The following ZBTB14 variants were observed in gnomAD, a reference collection of about 807,000 sequenced individuals.
The protein encoded by ZBTB14 is zinc finger and BTB domain containing 14, also known as zinc finger and BTB domain-containing protein 14.
Under a neutral mutation model 29.5 loss-of-function variants are expected in ZBTB14, and 8 were observed. The ratio of observed to expected loss-of-function variants is 0.27; its 90% confidence interval spans 0.16 to 0.49. The LOEUF (loss-of-function observed/expected upper bound fraction) is 0.49, where lower values mean the gene tolerates loss of function less well. ZBTB14 is among the 20% of genes least tolerant of loss of function. ZBTB14 has a pLI of 0.99. For synonymous variants in ZBTB14, 226 were observed against 207.2 expected (o/e 1.09, Z -0.78); for missense variants, 333 against 563.8 (o/e 0.59, Z 4.15).
upstream of ZBTB14, chr18:5,296,007 C>T (rs914177700): frequency 1.2e-4 from 18 of 151,800 alleles, no homozygotes; most frequent in African/African-American, 3.6e-4. Flanking sequence ...CCTCCTCCTG[C>T]ACGAGCACAG....
chr18:5,294,867 T>C (rs2143264607), intron 1 of ZBTB14: 1 of 152,210 alleles, frequency 6.6e-6, no homozygotes, highest in Non-Finnish European at 1.5e-5. Flanking sequence ...GACTTCCTTG[T>C]TGCAAGCTTG....
chr18:5,292,762 G>A (rs551219640), intron 3 of ZBTB14, among the ~76,000 whole-genome samples: 1 of 152,286 alleles, frequency 6.6e-6, no homozygotes, highest in Admixed American at 6.5e-5. Context: ...TTGACAGAAG[G>A]AACAAATTAC....
intron 1 of ZBTB14, among the ~76,000 whole-genome samples, chr18:5,295,218 G>C (rs1244228994): frequency 6.9e-6 from 1 of 144,402 alleles, no homozygotes; most frequent in Non-Finnish European, 1.5e-5. Flanking sequence ...CCGCCCGCGA[G>C]CCCGGAGCTC....
chr18:5,293,068 G>C (rs1455995327), intron 3 of ZBTB14, among the ~76,000 whole-genome samples, 176 bp downstream of exon 3: 1 of 152,156 alleles, frequency 6.6e-6, no homozygotes, highest in Admixed American at 6.5e-5. Flanking sequence ...TAAAAAACTG[G>C]TCATCTTAAA....
Position 5,290,304 on chromosome 18 carries a change from A to G in ZBTB14, c.*554T>C. On this transcript the variant is annotated 3_prime_UTR_variant, in exon 4 of 4. Coordinates refer to ENST00000651870, the MANE Select transcript of ZBTB14 (RefSeq NM_001243702.2). ...CACAAAAACAGTGAAAAACAGTGATATAAAATTAACAAACCAAATATAAAT... is the reference window on the plus strand; with the variant it reads ...CACAAAAACAGTGAAAAACAGTGATGTAAAATTAACAAACCAAATATAAAT... 1 of 152,650 alleles carries G rather than the reference A, an allele frequency of 6.6e-6. No individual in the cohort carries two copies. The highest frequency in any genetic ancestry group is 1.5e-5 in the Non-Finnish European group (1 of 68,382). The allele number at this position is 152,650 out of a possible 1,614,324, so 9.5% of individuals were successfully genotyped here.
At chr18:5,296,453 A>T (rs1278740462), upstream of ZBTB14, among the ~76,000 whole-genome samples, 1 of 149,814 alleles carries the variant, frequency 6.7e-6, no homozygotes, top group East Asian at 2.0e-4. Context: ...GTGCGTGTGC[A>T]TGTGCGTGGG....
rs199626471 is a variant in ZBTB14 at position 5,291,507 on chromosome 18, T to C, written c.701A>G (p.Gln234Arg). The part of the protein sequence containing the change: ...ETPESKDLGS[Q>R]TPQALTFNDG... The stretch of plus-strand genomic sequence containing the variant: ...ATTAAATGTTAAGGCTTGAGGGGTC[T>C]GGGACCCCAAGTCTTTTGATTCTGG... Residue 234 changes from glutamine to arginine, a missense_variant, in exon 4 of 4, where the codon CAG (glutamine) becomes CGG (arginine). Gln to Arg is a conservative substitution (Grantham distance 43). Around this residue, in one of 3 missense-constraint regions of ZBTB14, gnomAD observed 140 missense variants for 274.6 expected, o/e 0.51. Transcript: ENST00000651870. This position sits in a 1 kb window ranked among gnomAD's most constrained non-coding sequence, Gnocchi z 5.8. 108 of 1,614,102 alleles carry C rather than the reference T, an allele frequency of 6.7e-5. No homozygotes were observed. The highest frequency in any genetic ancestry group is 1.3e-4 in the Admixed American group (8 of 60,012).
rs776787444 is a variant in ZBTB14, at chr18:5,291,609, G to A, written c.599C>T (p.Ala200Val). Residue 200 changes from alanine (A) to valine (V), a missense_variant, in exon 4 of 4, where the codon GCG (alanine) becomes GTG (valine). This residue lies in a region of ZBTB14 where 126 missense variants were observed against 132.2 expected (regional missense o/e 0.95). Coordinates refer to ENST00000651870, the MANE Select transcript of ZBTB14 (RefSeq NM_001243702.2). This position sits in a 1 kb window ranked among gnomAD's most constrained non-coding sequence, Gnocchi z 5.8. ...SPTTTLRVQE[A>V]ILKELGSEEV... ...CTCACTCCCCAGCTCTTTCAGGATC[G>A]CTTCCTGAACCCTGAGCGTTGTGGT... 4 of 1,613,462 alleles carry A rather than the reference G, an allele frequency of 2.5e-6. No homozygotes were observed. Among genetic ancestry groups the A allele is most frequent in the Non-Finnish European group, 3.4e-6 (4 of 1,180,022 alleles).
In ZBTB14 at chr18:5,291,588, C is replaced by T. The variant is rs746778529; in HGVS notation, c.620G>A (p.Ser207Asn). ...VQEAILKELGSEEVRKVNCYG... is the reference protein window; with the variant it reads ...VQEAILKELGNEEVRKVNCYG... ...GCAATTGACCTTCCGAACTTCCTCA[C>T]TCCCCAGCTCTTTCAGGATCGCTTC... The change falls in exon 4 of 4, where the codon AGT becomes AAT. Residue 207 changes from serine (S) to asparagine (N), a missense_variant. Transcript: ENST00000651870. The surrounding 1 kb of genome is among the most constrained non-coding windows in gnomAD (Gnocchi z 5.8). The T allele has an allele frequency of 3.1e-6, 5 of 1,613,764 alleles. No individual in the cohort carries two copies. The Admixed American group carries it at 8.3e-5, about 27-fold the overall frequency.
intron 1 of ZBTB14, chr18:5,294,934 G>A (rs947723259): frequency 5.9e-5 from 9 of 152,320 alleles, no homozygotes; most frequent in East Asian, 1.9e-4. Context: ...AAGCCCTCAA[G>A]GCGTATCGAG....
chr18:5,292,269 A>T, intron 3 of ZBTB14, 65 bp from the exon 4 acceptor site: 1 of 1,279,630 alleles, frequency 7.8e-7, no homozygotes, highest in Non-Finnish European at 1.0e-6. Context: ...ACACAGTCAC[A>T]TTTTCATTTC....
At chr18:5,296,852 G>A (rs894446369), upstream of ZBTB14, among the ~76,000 whole-genome samples, 1 of 142,086 alleles carries the variant, frequency 7.0e-6, no homozygotes, top group African/African-American at 2.6e-5. Context: ...TCGATTCGGA[G>A]AGCTCTGATA....
intron 2 of ZBTB14, chr18:5,293,649 T>C: frequency 5.8e-6 from 1 of 171,122 alleles, no homozygotes. Context: ...GCTACACAGA[T>C]ATAGAAAAAA....
rs1426790815 is a variant in ZBTB14, at chr18:5,291,782, A to G, written c.426T>C (p.Ser142=). The G allele has an allele frequency of 1.2e-6, 2 of 1,613,718 alleles. No individual in the cohort carries two copies. The highest frequency in any genetic ancestry group is 1.7e-6 in the Non-Finnish European group (2 of 1,179,900). The change falls in exon 4 of 4, where the codon AGT becomes AGC. Residue 142 remains serine, a synonymous_variant. Transcript: ENST00000651870. The surrounding 1 kb of genome is among the most constrained non-coding windows in gnomAD (Gnocchi z 5.8). ...GGCGATTTATTTTAAGGCAATACTT[A>G]CTTTTGGACTGACCATTGTTTTCAT... The part of the protein sequence containing the change: ...SPDENNGQSK[S]KYCLKINRPI...
intron 2 of ZBTB14, 185 bp downstream of exon 2, chr18:5,293,787 A>G (rs1215973898): frequency 1.3e-5 from 2 of 152,428 alleles, no homozygotes; most frequent in African/African-American, 4.8e-5. Flanking sequence ...AGAAGTACAT[A>G]AACCCAACAG....
At chr18:5,294,346 T>C (rs2071890034) in intron 1 of ZBTB14, among the ~76,000 whole-genome samples, 1 of 152,176 alleles carries the variant, frequency 6.6e-6, no homozygotes, top group Non-Finnish European at 1.5e-5. Flanking sequence ...AGCAAAAACC[T>C]TACACTGTGA....
intron 3 of ZBTB14, 128 bp from the exon 4 acceptor site, chr18:5,292,332 C>G: frequency 1.3e-6 from 1 of 783,440 alleles, no homozygotes; most frequent in South Asian, 2.2e-5. Flanking sequence ...TAAGAGTGGT[C>G]TTTGAATATG....
Position 5,290,596 on chromosome 18 carries a change from T to TAA in ZBTB14, c.*260_*261dup, listed in dbSNP as rs34214240. 0.022 allele frequency: 7,439 copies of TAA among 339,018 alleles called. 24 individuals are homozygous for TAA. The highest frequency in any genetic ancestry group is 0.051 in the Middle Eastern group (61 of 1,186). The allele number at this position is 339,018 out of a possible 1,614,324, so 21.0% of individuals were successfully genotyped here. A position where few individuals can be genotyped will look rare whatever the true frequency, so the allele number is the denominator to read the frequency against. ...CACAGGAGTTCTCAAATTAAAATAATAAAAAAAAAAAAGGGAGAGAGGTGC... is the reference window on the plus strand; with the variant it reads ...CACAGGAGTTCTCAAATTAAAATAATAAAAAAAAAAAAAAGGGAGAGAGGTGC... On this transcript the variant is annotated 3_prime_UTR_variant, in exon 4 of 4. Transcript: ENST00000651870.
Position 5,290,755 on chromosome 18 carries a change from T to C in ZBTB14, c.*103A>G. ...TGCCTTAAGTCCAGTGAGTACAATG[T>C]TCCATACGTTTCCACAAAAATATTG... is the stretch of plus-strand genomic sequence containing the variant. On this transcript the variant is annotated 3_prime_UTR_variant, in exon 4 of 4. Transcript: ENST00000651870. 1 of 1,509,694 alleles carries C rather than the reference T, an allele frequency of 6.6e-7. No individual in the cohort carries two copies. The highest frequency in any genetic ancestry group is 8.9e-7 in the Non-Finnish European group (1 of 1,123,292). The allele number at this position is 1,509,694 out of a possible 1,614,324, so 93.5% of individuals were successfully genotyped here. A position where few individuals can be genotyped will look rare whatever the true frequency, so the allele number is the denominator to read the frequency against.
Sources: allele counts gnomAD v4.1 joint callset (sites outside exome capture counted in the v4.1 genomes callset), GRCh38; gene constraint gnomAD v4.1.1; regional missense constraint gnomAD v4.1.1; non-coding constraint Gnocchi (gnomAD v3.1); transcripts MANE v1.5; gene names NCBI Gene and HGNC (gene_info 2026-07-23, HGNC 2026-07-21).